GNAZ: variants seen among roughly 807,000 people sequenced by gnomAD.
The protein encoded by GNAZ is G protein subunit alpha z.
Under a neutral mutation model 25.4 loss-of-function variants are expected in GNAZ, and 3 were observed. That is an observed-to-expected ratio of 0.12 (90% CI 0.05 to 0.30). The LOEUF (loss-of-function observed/expected upper bound fraction) is 0.30. GNAZ is among the 10% of genes least tolerant of loss of function. The probability of loss-of-function intolerance (pLI) is 1.00; values close to 1 mark genes in which losing one functional copy is unlikely to be tolerated. For synonymous variants in GNAZ, 211 were observed against 205.7 expected, an observed-to-expected ratio of 1.03 and a Z score of -0.22; for missense variants, 241 against 501.8, an observed-to-expected ratio of 0.48 and a Z score of 4.97.
intron 1 of GNAZ, among the ~76,000 whole-genome samples, chr22:23,080,704 T>C (rs3827315): frequency 0.4 from 60,467 of 152,202 alleles, 14,511 homozygotes; most frequent in African/African-American, 0.69. Flanking sequence ...TCACATGTCC[T>C]CAAGCCATGA....
intron 2 of GNAZ, among the ~76,000 whole-genome samples, chr22:23,121,720 C>CTTTTT (rs10598505): frequency 8.1e-6 from 1 of 123,184 alleles, no homozygotes; most frequent in African/African-American, 3.2e-5. Flanking sequence ...AGAAAAGTTC[C>CTTTTT]TTTTTTTTTT....
chr22:23,086,935 A>C lies in GNAZ; in HGVS notation c.-449-8312A>C, dbSNP rs571550646. The stretch of plus-strand genomic sequence containing the variant: ...GGCCCTGGGAAACCCATGATGGGAC[A>C]CATGGCTGGGGCAGGACAGGGAGTG... On this transcript the variant is annotated intron_variant, in intron 1 of 2. Coordinates refer to ENST00000615612, the MANE Select transcript of GNAZ (RefSeq NM_002073.4). 1.8e-3 allele frequency among the ~76,000 whole-genome samples: 270 copies of C among 152,358 alleles called. 1 individual carries two copies. The highest frequency in any genetic ancestry group is 4.9e-3 in the African/African-American group (202 of 41,594).
chr22:23,105,037 A>G (rs1215332206), intron 2 of GNAZ, among the ~76,000 whole-genome samples: 1 of 152,230 alleles, frequency 6.6e-6, no homozygotes, highest in Non-Finnish European at 1.5e-5. Context: ...TCCCTGCTTC[A>G]TCACACCTCG....
chr22:23,088,096 G>A (rs1304490966), intron 1 of GNAZ, among the ~76,000 whole-genome samples: 1 of 152,240 alleles, frequency 6.6e-6, no homozygotes, highest in Admixed American at 6.5e-5. Flanking sequence ...TTGGAAGTTA[G>A]AAGCAAGATG....
At chr22:23,082,319 C>T (rs1252265872) in intron 1 of GNAZ, among the ~76,000 whole-genome samples, 2 of 151,248 alleles carry the variant, frequency 1.3e-5, no homozygotes, top group African/African-American at 4.9e-5. Flanking sequence ...CAGGTTCAAG[C>T]TCCTGTCTCA....
chr22:23,080,424 C>G (rs889175746), intron 1 of GNAZ, among the ~76,000 whole-genome samples: 1 of 152,200 alleles, frequency 6.6e-6, no homozygotes, highest in African/African-American at 2.4e-5. Context: ...GAGGCCCAGC[C>G]GGGGCATAGC....
At position 23,124,342 on chromosome 22, in the gene GNAZ, T is replaced by C. The variant is rs1469552087; in HGVS notation, c.*911T>C. 4.8e-6 allele frequency: 2 copies of C among 413,180 alleles called. No homozygotes were observed. The highest frequency in any genetic ancestry group is 2.1e-5 in the African/African-American group (1 of 47,656). 25.6% of individuals were successfully genotyped at this position (413,180 alleles called of 1,614,324 possible). On this transcript the variant is annotated 3_prime_UTR_variant, in exon 3 of 3. Transcript: ENST00000615612. Reference sequence around the variant, plus strand: ...CATATTTTTTTTCAGGTGGTCTTTTTTGTGTCTGGCTTGCTGAGTGTAAAA... The same window carrying C: ...CATATTTTTTTTCAGGTGGTCTTTTCTGTGTCTGGCTTGCTGAGTGTAAAA...
chr22:23,076,000 C>G (rs1208633778), intron 1 of GNAZ, among the ~76,000 whole-genome samples: 1 of 152,156 alleles, frequency 6.6e-6, no homozygotes, highest in Non-Finnish European at 1.5e-5. Context: ...CTTAGTAGGT[C>G]TGGGCAGCCC....
chr22:23,085,093 C>G (rs1161032813), intron 1 of GNAZ, among the ~76,000 whole-genome samples: 3 of 152,190 alleles, frequency 2.0e-5, no homozygotes, highest in Non-Finnish European at 4.4e-5. Flanking sequence ...ACCCCCACCT[C>G]AGATAGGTGG....
rs758530850 is a variant in GNAZ, at chr22:23,123,469, C to T, written c.*38C>T. On this transcript the variant is annotated 3_prime_UTR_variant, in exon 3 of 3. Transcript: ENST00000615612. ...GGGGCCCGCCTGCCTATGGTGAAACCCACGGGGTGTCATGCCCCAACGCGT... is the reference window on the plus strand; with the variant it reads ...GGGGCCCGCCTGCCTATGGTGAAACTCACGGGGTGTCATGCCCCAACGCGT... 2.1e-6 allele frequency: 3 copies of T among 1,405,586 alleles called. No homozygotes were observed. Among genetic ancestry groups the T allele is most frequent in the Middle Eastern group, 1.9e-4 (1 of 5,390 alleles). The allele number at this position is 1,405,586 out of a possible 1,614,324, so 87.1% of individuals were successfully genotyped here.
At chr22:23,115,574 G>C (rs1282610719) in intron 2 of GNAZ, among the ~76,000 whole-genome samples, 1 of 152,106 alleles carries the variant, frequency 6.6e-6, no homozygotes, top group African/African-American at 2.4e-5. Context: ...CCCCTTCCTA[G>C]AACAGGAAGG....
intron 1 of GNAZ, among the ~76,000 whole-genome samples, chr22:23,080,474 C>T (rs534944837): frequency 5.3e-5 from 8 of 152,360 alleles, no homozygotes; most frequent in African/African-American, 1.7e-4. Flanking sequence ...TGTTCACTAA[C>T]CGTAGTCCTT....
chr22:23,079,469 G>T (rs1400794878), intron 1 of GNAZ, among the ~76,000 whole-genome samples: 1 of 152,216 alleles, frequency 6.6e-6, no homozygotes, highest in Non-Finnish European at 1.5e-5. Flanking sequence ...GGGGGAGGGG[G>T]AGCATGGGCG....
chr22:23,096,538 C>A, intron 2 of GNAZ, 120 bp downstream of exon 2: 1 of 1,043,994 alleles, frequency 9.6e-7, no homozygotes, highest in Non-Finnish European at 1.4e-6. Context: ...GCAGGCCTGG[C>A]CCTGCTGCAC....
At chr22:23,090,948 G>A (rs2068954350) in intron 1 of GNAZ, among the ~76,000 whole-genome samples, 1 of 152,194 alleles carries the variant, frequency 6.6e-6, no homozygotes, top group Admixed American at 6.5e-5. Flanking sequence ...AAGTAAGTGT[G>A]GGATGCTGGA....
At chr22:23,083,095 C>G (rs2068725122) in intron 1 of GNAZ, among the ~76,000 whole-genome samples, 1 of 152,066 alleles carries the variant, frequency 6.6e-6, no homozygotes, top group African/African-American at 2.4e-5. Flanking sequence ...GAAGAGGACT[C>G]TCCACACAGA....
intron 1 of GNAZ, among the ~76,000 whole-genome samples, chr22:23,079,551 G>A (rs116036060): frequency 3.7e-4 from 56 of 152,314 alleles, no homozygotes; most frequent in African/African-American, 1.3e-3. Flanking sequence ...GTCTGCCCAT[G>A]TCAAGCAAGC....
intron 2 of GNAZ, among the ~76,000 whole-genome samples, chr22:23,110,647 A>G (rs2069617965): frequency 6.6e-6 from 1 of 152,238 alleles, no homozygotes; most frequent in Non-Finnish European, 1.5e-5. Flanking sequence ...CCCCAGCTCA[A>G]GGGTCAGCAG....
rs189599048 is a variant in GNAZ, at chr22:23,079,262, C to T, written c.-450+8692C>T. Among the ~76,000 whole-genome samples the T allele has an allele frequency of 2.2e-4, 34 of 152,314 alleles. 1 individual carries two copies. In the East Asian group the frequency reaches 4.4e-3, roughly 20 times the overall value. ...TGCGAATATGGGGGTCATTTTCCAT[C>T]GTAAATAGGATGGGCAGGGAGGCCT... On this transcript the variant is annotated intron_variant, in intron 1 of 2. Transcript: ENST00000615612.
Sources: gnomAD v4.1 joint callset for allele counts (sites outside exome capture counted in the v4.1 genomes callset) on GRCh38, gnomAD v4.1.1 for gene constraint, MANE v1.5 for transcripts, NCBI Gene and HGNC (gene_info 2026-07-23, HGNC 2026-07-21) for gene names.